KLHL3: variants seen among roughly 807,000 people sequenced by gnomAD.
KLHL3 encodes the protein kelch like family member 3, also known as kelch-like protein 3.
In KLHL3, 19 loss-of-function variants were observed where a neutral mutation model predicts 70.5. The ratio of observed to expected loss-of-function variants is 0.27; its 90% CI spans 0.19 to 0.40. The LOEUF is 0.40. Among genes scored for constraint, KLHL3 ranks in the 10% least tolerant of loss-of-function variants. KLHL3 has a pLI of 1.00. For missense variants in KLHL3, 512 were observed against 771.1 expected (o/e 0.66, Z 3.98); for synonymous variants, 258 against 290.3 (o/e 0.89, Z 1.13).
intron 5 of KLHL3, among the ~76,000 whole-genome samples, chr5:137,683,564 T>A (rs1752086563): frequency 6.6e-6 from 1 of 152,112 alleles, no homozygotes; most frequent in Non-Finnish European, 1.5e-5. Context: ...AAAGGCTCAG[T>A]TCCCACAGGG....
Position 137,720,479 on chromosome 5 carries a change from C to T in KLHL3, c.120G>A (p.Met40Ile). The change falls in exon 2 of 15, where the codon ATG becomes ATA. Residue 40 changes from methionine to isoleucine, a missense_variant. Transcript: ENST00000309755. ...AGAAAAAGTACCTCCGCAGTTCATT[C>T]ATAACCTTGAATGCTTTCCCCATGT... is the stretch of plus-strand genomic sequence containing the variant. ...PAHMGKAFKV[M>I]NELRSKQLLC... 2 of 1,614,120 alleles carry T rather than the reference C, an allele frequency of 1.2e-6. No homozygotes were observed.
rs921573071 is a variant in KLHL3, at chr5:137,693,479, C to T, written c.364-1032G>A. On this transcript the variant is annotated intron_variant, in intron 4 of 14. Coordinates refer to ENST00000309755, the MANE Select transcript of KLHL3 (RefSeq NM_017415.3). ...CTCTATCAATTTTCCCTAGGACTTT[C>T]CCTCAGCTGCTGAAGCCTGCCTCTA... Among the ~76,000 whole-genome samples the T allele has an allele frequency of 6.6e-5, 10 of 152,246 alleles. 1 individual carries two copies. The highest frequency in any genetic ancestry group is 3.9e-4 in the Admixed American group (6 of 15,288).
At chr5:137,709,949 C>A in intron 2 of KLHL3, 93 bp from the exon 3 acceptor site, 1 of 919,934 alleles carries the variant, frequency 1.1e-6, no homozygotes, top group Non-Finnish European at 1.8e-6. Context: ...CCAGATTTCA[C>A]ACTATCACTA....
chr5:137,686,249 G>A (rs1009406749), intron 5 of KLHL3, among the ~76,000 whole-genome samples: 6 of 152,152 alleles, frequency 3.9e-5, no homozygotes, highest in African/African-American at 1.4e-4. Context: ...GCAGTGACCT[G>A]AGGATTCCTG....
chr5:137,718,173 A>G (rs2149933977), intron 2 of KLHL3, among the ~76,000 whole-genome samples: 1 of 152,362 alleles, frequency 6.6e-6, no homozygotes, highest in East Asian at 1.9e-4. Flanking sequence ...GGGAACTAGC[A>G]TTTCTCAGAA....
intron 5 of KLHL3, among the ~76,000 whole-genome samples, chr5:137,685,215 C>T (rs747723511): frequency 5.9e-5 from 9 of 152,194 alleles, no homozygotes; most frequent in Non-Finnish European, 8.8e-5. Flanking sequence ...TACAGGTATA[C>T]TAGCAAGTGT....
At chr5:137,720,912 C>T (rs1156567561) in intron 1 of KLHL3, 2 of 1,072,554 alleles carry the variant, frequency 1.9e-6, no homozygotes, top group Non-Finnish European at 2.3e-6. Flanking sequence ...TTTGTTTGTT[C>T]ATTAAACAAG....
At position 137,644,041 on chromosome 5, in the gene KLHL3, G is replaced by A. The variant is rs560043503; in HGVS notation, c.904-4064C>T. Among the ~76,000 whole-genome samples, 17 of 152,104 alleles carry A rather than the reference G, an allele frequency of 1.1e-4. 1 individual carries two copies. Among genetic ancestry groups the A allele is most frequent in the Middle Eastern group, 6.8e-3 (2 of 294 alleles). On this transcript the variant is annotated intron_variant, in intron 8 of 14. Coordinates refer to ENST00000309755, the MANE Select transcript of KLHL3 (RefSeq NM_017415.3). ...CATAATGTTCTCCAGGTTCATCCAC[G>A]TTGTCACAAATGACAGGATTTCACC...
At chr5:137,655,676 A>G (rs1309608367) in intron 8 of KLHL3, among the ~76,000 whole-genome samples, 1 of 152,198 alleles carries the variant, frequency 6.6e-6, no homozygotes, top group Non-Finnish European at 1.5e-5. Context: ...TTTCATGTAC[A>G]AAGAGCCTTT....
rs1750846029 is a variant in KLHL3, at chr5:137,639,168, A to G, written c.1022-18T>C. The G allele has an allele frequency of 6.2e-7, 1 of 1,612,086 alleles. No homozygotes were observed. Among genetic ancestry groups the G allele is most frequent in the Admixed American group, 1.7e-5 (1 of 59,842 alleles). Reference sequence around the variant, plus strand: ...CACCACACCTGAGGCACAGGAAACCAAGACATCAAGGTCAGGTCAGGCGCA... The same window carrying G: ...CACCACACCTGAGGCACAGGAAACCGAGACATCAAGGTCAGGTCAGGCGCA... On this transcript the variant is annotated intron_variant, in intron 9 of 14. Transcript: ENST00000309755. The surrounding 1 kb of genome is among the most constrained non-coding windows in gnomAD (Gnocchi z 5.0).
chr5:137,695,645 G>A (rs1752429198), intron 4 of KLHL3, among the ~76,000 whole-genome samples: 1 of 152,100 alleles, frequency 6.6e-6, no homozygotes, highest in Admixed American at 6.5e-5. Context: ...AAAGAAAAAA[G>A]AGCAATACAT....
intron 7 of KLHL3, chr5:137,660,990 G>C (rs1414071185): frequency 6.6e-6 from 1 of 152,350 alleles, no homozygotes; most frequent in East Asian, 1.9e-4. Context: ...CTTCCTTCCA[G>C]AGACTCCTTG....
intron 1 of KLHL3, chr5:137,721,062 A>C: frequency 6.0e-6 from 1 of 167,952 alleles, no homozygotes; most frequent in Non-Finnish European, 1.2e-5. Context: ...TAAACATCAC[A>C]TTTCAACTAT....
At chr5:137,706,457 G>A in intron 3 of KLHL3, 1 of 828,244 alleles carries the variant, frequency 1.2e-6, no homozygotes, top group Non-Finnish European at 1.5e-6. Flanking sequence ...GCTGATGGGA[G>A]CATAAGCTGG....
At chr5:137,647,343 AT>A (rs1751074931) in intron 8 of KLHL3, among the ~76,000 whole-genome samples, 1 of 152,184 alleles carries the variant, frequency 6.6e-6, no homozygotes. Context: ...TCTGAGAGCC[AT>A]TAGGTGCCAG....
rs142791401 is a variant in KLHL3, at chr5:137,736,021, G to A, written c.-375C>T. On this transcript the variant is annotated 5_prime_UTR_variant, in exon 1 of 15. Transcript: ENST00000309755. ...TTCCAGCTTCCTCTGCATCTGCCCA[G>A]GCATCCCCAGCCCAGGCGATTAGCC... 160 of 373,388 alleles carry A rather than the reference G, an allele frequency of 4.3e-4. No homozygotes were observed. Among genetic ancestry groups the A allele is most frequent in the African/African-American group, 2.4e-3 (118 of 48,324 alleles). 23.1% of individuals were successfully genotyped at this position (373,388 alleles called of 1,614,324 possible).
chr5:137,696,987 C>A (rs1463564472), intron 4 of KLHL3, among the ~76,000 whole-genome samples: 1 of 152,106 alleles, frequency 6.6e-6, no homozygotes, highest in African/African-American at 2.4e-5. Context: ...AGATCTCTGA[C>A]CCTTGTTTCT....
intron 2 of KLHL3, among the ~76,000 whole-genome samples, chr5:137,720,040 G>A (rs561534920): frequency 2.0e-5 from 3 of 152,274 alleles, no homozygotes; most frequent in Admixed American, 1.3e-4. Flanking sequence ...GGTGGCTCAC[G>A]CCTGTAATCC....
rs1360065058 is a variant in KLHL3, at chr5:137,669,501, A to G, written c.637-7470T>C. Among the ~76,000 whole-genome samples, 798 of 151,622 alleles carry G rather than the reference A, an allele frequency of 5.3e-3. 5 individuals are homozygous for G. Among genetic ancestry groups the G allele is most frequent in the Non-Finnish European group, 9.4e-3 (636 of 67,492 alleles). On this transcript the variant is annotated intron_variant, in intron 6 of 14. Transcript: ENST00000309755. ...AAAATGATGAAAAAATTAAAACGGTAACATCACTTGGCCTGGAAATTGTTC... is the reference window on the plus strand; with the variant it reads ...AAAATGATGAAAAAATTAAAACGGTGACATCACTTGGCCTGGAAATTGTTC...
Sources: gnomAD v4.1 joint callset for allele counts (sites outside exome capture counted in the v4.1 genomes callset) on GRCh38, gnomAD v4.1.1 for gene constraint, Gnocchi (gnomAD v3.1) non-coding constraint, MANE v1.5 for transcripts, NCBI Gene and HGNC (gene_info 2026-07-23, HGNC 2026-07-21) for gene names.